Variants in GRM1 observed in about 807,000 individuals in gnomAD.
GRM1 encodes the protein glutamate metabotropic receptor 1.
A neutral mutation model predicts 90.9 loss-of-function variants in GRM1; 33 were observed. That is an observed-to-expected ratio of 0.36 (90% CI 0.28 to 0.49). The LOEUF (loss-of-function observed/expected upper bound fraction) is 0.49, where lower values mean the gene tolerates loss of function less well. Among genes scored for constraint, GRM1 ranks in the 20% least tolerant of loss-of-function variants. GRM1 has a pLI of 0.99. For missense variants in GRM1, 1,190 were observed against 1,534.3 expected (o/e 0.78, Z 3.75); for synonymous variants, 700 against 613.2 (o/e 1.14, Z -2.09).
intron 3 of GRM1, among the ~76,000 whole-genome samples, chr6:146,330,195 G>A (rs1478660975): frequency 6.6e-6 from 1 of 152,162 alleles, no homozygotes; most frequent in Non-Finnish European, 1.5e-5. Flanking sequence ...TCCGCTGGCT[G>A]GGAGGGAAAC....
intron 1 of GRM1, among the ~76,000 whole-genome samples, chr6:146,150,221 C>A (rs1446575379): frequency 6.6e-6 from 1 of 152,114 alleles, no homozygotes; most frequent in Non-Finnish European, 1.5e-5. Flanking sequence ...TTTAAACCAG[C>A]TGATATCTGT....
Position 146,399,514 on chromosome 6 carries a change from G to A in GRM1, c.2475G>A (p.Val825=). ...TTGCAGTGAGTCTCAGTGTAACAGT[G>A]GCTCTGGGGTGCATGTTCACTCCCA... ...TCFAVSLSVT[V]ALGCMFTPKM... Residue 825 remains valine (V), a synonymous_variant, in exon 7 of 8, where the codon GTG becomes GTA. Transcript: ENST00000282753. The surrounding 1 kb of genome is among the most constrained non-coding windows in gnomAD (Gnocchi z 5.4). 6 of 1,614,134 alleles carry A rather than the reference G, an allele frequency of 3.7e-6. No individual in the cohort carries two copies. The highest frequency in any genetic ancestry group is 5.1e-6 in the Non-Finnish European group (6 of 1,179,992).
At chr6:146,217,630 G>A (rs1562535557) in intron 2 of GRM1, among the ~76,000 whole-genome samples, 1 of 152,170 alleles carries the variant, frequency 6.6e-6, no homozygotes, top group Non-Finnish European at 1.5e-5. Context: ...TGTGTGCCAG[G>A]CACTGGGGTA....
At chr6:146,028,131 G>T (rs1382169891), upstream of GRM1, among the ~76,000 whole-genome samples, 2 of 152,194 alleles carry the variant, frequency 1.3e-5, no homozygotes, top group South Asian at 2.1e-4. Flanking sequence ...GAGATTTGGC[G>T]CCTCTGTCCC....
chr6:146,379,590 T>C (rs1776243807), intron 5 of GRM1, among the ~76,000 whole-genome samples: 1 of 152,152 alleles, frequency 6.6e-6, no homozygotes. Flanking sequence ...TCTTATTTAG[T>C]TAATTTAGTG....
At chr6:146,270,405 C>A (rs1782069969) in intron 2 of GRM1, among the ~76,000 whole-genome samples, 1 of 152,164 alleles carries the variant, frequency 6.6e-6, no homozygotes, top group Non-Finnish European at 1.5e-5. Context: ...GAATCTTCTA[C>A]ATTATGTCAG....
At chr6:146,196,604 C>T (rs979572075) in intron 2 of GRM1, among the ~76,000 whole-genome samples, 72 of 151,694 alleles carry the variant, frequency 4.7e-4, no homozygotes, top group African/African-American at 1.5e-3. Context: ...CATGCCCGGC[C>T]GTTCAGTTGT....
At chr6:146,124,379 T>A (rs1481116064) in intron 1 of GRM1, among the ~76,000 whole-genome samples, 3 of 152,204 alleles carry the variant, frequency 2.0e-5, no homozygotes, top group African/African-American at 7.2e-5. Flanking sequence ...GGACATTAAA[T>A]GTTTGCACTG....
chr6:146,349,260 T>C (rs1785302352), intron 3 of GRM1, among the ~76,000 whole-genome samples: 1 of 150,794 alleles, frequency 6.6e-6, no homozygotes, highest in East Asian at 1.9e-4. Flanking sequence ...TTTTTTTATT[T>C]TTAGTAGATA....
chr6:146,147,400 A>G (rs1236424462), intron 1 of GRM1, among the ~76,000 whole-genome samples: 1 of 152,176 alleles, frequency 6.6e-6, no homozygotes, highest in Non-Finnish European at 1.5e-5. Context: ...AAATAAGGCG[A>G]CGAAGTTGTG....
chr6:146,078,469 T>C (rs1329347037), intron 1 of GRM1, among the ~76,000 whole-genome samples: 1 of 152,198 alleles, frequency 6.6e-6, no homozygotes, highest in Non-Finnish European at 1.5e-5. Context: ...CATTTGGATA[T>C]GTGGGGTCCA....
chr6:146,045,441 T>G (rs1285216816), intron 1 of GRM1, among the ~76,000 whole-genome samples: 1 of 151,940 alleles, frequency 6.6e-6, no homozygotes, highest in Admixed American at 6.6e-5. Context: ...TGATATTTTT[T>G]CAGCAATTAA....
At chr6:146,166,140 C>G (rs900843490) in intron 2 of GRM1, among the ~76,000 whole-genome samples, 1 of 152,108 alleles carries the variant, frequency 6.6e-6, no homozygotes, top group Admixed American at 6.6e-5. Flanking sequence ...TTAACATGTT[C>G]TTGTAGCACT....
intron 1 of GRM1, among the ~76,000 whole-genome samples, chr6:146,052,408 G>A (rs546678898): frequency 4.7e-4 from 71 of 152,104 alleles, no homozygotes; most frequent in Middle Eastern, 6.8e-3. Context: ...AGCCCCAGCC[G>A]TGGAGGCTCT....
intron 2 of GRM1, among the ~76,000 whole-genome samples, chr6:146,261,348 T>G (rs1451763388): frequency 6.6e-6 from 1 of 152,124 alleles, no homozygotes; most frequent in Non-Finnish European, 1.5e-5. Context: ...AGTACCCAAA[T>G]GCCTTGGAAC....
intron 1 of GRM1, among the ~76,000 whole-genome samples, chr6:146,131,865 T>C (rs114959711): frequency 0.016 from 2,431 of 151,908 alleles, 56 homozygotes; most frequent in African/African-American, 0.055. Flanking sequence ...ATAAACGGAG[T>C]GTGGTGAAGA....
rs141925825 is a variant in GRM1 at position 146,172,602 on chromosome 6, G to T, written c.950+13005G>T. Among the ~76,000 whole-genome samples the T allele has an allele frequency of 8.9e-4, 136 of 152,200 alleles. 1 individual carries two copies. The highest frequency in any genetic ancestry group is 3.2e-3 in the African/African-American group (132 of 41,534). On this transcript the variant is annotated intron_variant, in intron 2 of 7. Coordinates refer to ENST00000282753, the MANE Select transcript of GRM1 (RefSeq NM_001278064.2). ...GGGAGCCTTAAGAGATTGGTAGATT[G>T]AGGGAAGAACTTGATAAAAAGTAAG...
chr6:146,398,018 CA>C (rs1200311096), intron 6 of GRM1, among the ~76,000 whole-genome samples: 4 of 152,144 alleles, frequency 2.6e-5, no homozygotes, highest in Non-Finnish European at 5.9e-5. Flanking sequence ...CTCTGAAATA[CA>C]AAATACATTT....
At chr6:146,127,401 G>A (rs1436611144) in intron 1 of GRM1, among the ~76,000 whole-genome samples, 2 of 152,162 alleles carry the variant, frequency 1.3e-5, no homozygotes, top group Non-Finnish European at 1.5e-5. Context: ...AAGATCTGAA[G>A]CAGAAATAGA....
Sources: allele counts gnomAD v4.1 joint callset (sites outside exome capture counted in the v4.1 genomes callset), GRCh38; gene constraint gnomAD v4.1.1; non-coding constraint Gnocchi (gnomAD v3.1); transcripts MANE v1.5; gene names NCBI Gene and HGNC (gene_info 2026-07-23, HGNC 2026-07-21).